The following CCDC3 variants were observed in gnomAD, a reference collection of about 807,000 sequenced individuals.
CCDC3 encodes the protein coiled-coil domain containing 3.
In CCDC3, 24 loss-of-function variants were observed where a neutral mutation model predicts 21.4. The observed-to-expected ratio is 1.12, with a 90% CI of 0.81 to 1.58. CCDC3 has a LOEUF of 1.58. Among genes scored for constraint, CCDC3 ranks in the 40% most tolerant of loss-of-function variants. The pLI, the probability that CCDC3 is intolerant of heterozygous loss-of-function variation, is 0.00. For missense variants in CCDC3, 425 were observed against 360.9 expected (o/e 1.18, Z -1.44); for synonymous variants, 186 against 166.0 (o/e 1.12, Z -0.93).
intron 5 of CCDC3, among the ~76,000 whole-genome samples, chr10:13,010,302 T>TA (rs1252564550): frequency 3.3e-5 from 5 of 151,042 alleles, no homozygotes; most frequent in South Asian, 2.1e-4. Flanking sequence ...CAACCCAATA[T>TA]AAAAAATGGG....
intron 5 of CCDC3, among the ~76,000 whole-genome samples, chr10:13,032,002 T>A (rs751702920): frequency 6.6e-6 from 1 of 152,178 alleles, no homozygotes; most frequent in African/African-American, 2.4e-5. Context: ...GAGGCCAGCA[T>A]CATCCTGATA....
At chr10:12,995,766 G>T (rs1265945691) in intron 2 of CCDC3, among the ~76,000 whole-genome samples, 1 of 152,138 alleles carries the variant, frequency 6.6e-6, no homozygotes, top group Non-Finnish European at 1.5e-5. Flanking sequence ...AAGAGGCCAG[G>T]GTGATTCAAG....
chr10:12,978,005 C>G (rs1017856265), intron 2 of CCDC3, among the ~76,000 whole-genome samples: 1 of 151,678 alleles, frequency 6.6e-6, no homozygotes, highest in Non-Finnish European at 1.5e-5. Flanking sequence ...GAAAGAAAAG[C>G]CATTTTCCAC....
At chr10:13,097,191 A>G (rs191799342) in intron 3 of CCDC3, among the ~76,000 whole-genome samples, 98 of 152,256 alleles carry the variant, frequency 6.4e-4, no homozygotes, top group African/African-American at 2.3e-3. Context: ...AAATCAGCTA[A>G]GAGCATGCTA....
chr10:13,029,137 G>A (rs1052219260), intron 5 of CCDC3, among the ~76,000 whole-genome samples: 2 of 152,106 alleles, frequency 1.3e-5, no homozygotes, highest in Non-Finnish European at 2.9e-5. Flanking sequence ...TGATTCCACT[G>A]CCCACTCTAC....
At chr10:12,904,951 T>TA (rs1473200875) in intron 2 of CCDC3, among the ~76,000 whole-genome samples, 2 of 152,096 alleles carry the variant, frequency 1.3e-5, no homozygotes, top group East Asian at 1.9e-4. Flanking sequence ...TATGTTTTTT[T>TA]AAAAAAATAT....
At chr10:13,013,619 G>A (rs564022) in intron 5 of CCDC3, among the ~76,000 whole-genome samples, 121,034 of 152,080 alleles carry the variant, frequency 0.8, 49,140 homozygotes, top group Non-Finnish European at 0.87. Context: ...CCAAGTAAAT[G>A]TCATGGTAAT....
chr10:12,959,485 A>T (rs981026906), intron 2 of CCDC3, among the ~76,000 whole-genome samples: 6 of 152,134 alleles, frequency 3.9e-5, no homozygotes, highest in African/African-American at 1.4e-4. Flanking sequence ...TAAAAAGTTT[A>T]GAAATATACT....
At chr10:13,052,101 A>G (rs527400876) in intron 4 of CCDC3, among the ~76,000 whole-genome samples, 4 of 152,228 alleles carry the variant, frequency 2.6e-5, no homozygotes, top group African/African-American at 9.6e-5. Context: ...TTGGCTGGGC[A>G]TGGCGGCACA....
intron 2 of CCDC3, among the ~76,000 whole-genome samples, chr10:12,964,286 C>A (rs150384090): frequency 6.6e-6 from 1 of 151,864 alleles, no homozygotes. Context: ...GCAGGAGAAT[C>A]GCTTGAACCC....
At chr10:12,915,357 T>A in intron 2 of CCDC3, among the ~76,000 whole-genome samples, 1 of 152,222 alleles carries the variant, frequency 6.6e-6, no homozygotes, top group East Asian at 1.9e-4. Context: ...ATTAAATGTC[T>A]TGTTTGGGTC....
intron 2 of CCDC3, among the ~76,000 whole-genome samples, chr10:12,914,014 C>G (rs200104765): frequency 6.6e-6 from 1 of 152,134 alleles, no homozygotes; most frequent in African/African-American, 2.4e-5. Flanking sequence ...TTTGCATCTA[C>G]GTTCATCAGA....
At chr10:12,995,249 T>G (rs1835743642) in intron 2 of CCDC3, among the ~76,000 whole-genome samples, 1 of 152,208 alleles carries the variant, frequency 6.6e-6, no homozygotes, top group Non-Finnish European at 1.5e-5. Flanking sequence ...TTTCTTGTTT[T>G]GCTTTGTTTT....
chr10:13,058,372 T>C (rs1836710124), intron 4 of CCDC3: 1 of 1,013,160 alleles, frequency 9.9e-7, no homozygotes, highest in Admixed American at 1.7e-5. Flanking sequence ...TCAGCAGCAG[T>C]CCAGGACAAT....
At chr10:13,040,895 T>G (rs768498324) in intron 5 of CCDC3, among the ~76,000 whole-genome samples, 1 of 152,186 alleles carries the variant, frequency 6.6e-6, no homozygotes, top group Non-Finnish European at 1.5e-5. Context: ...ACTAAGTGGA[T>G]GCAAATTATT....
chr10:13,040,908 T>C (rs1208106169), intron 5 of CCDC3, among the ~76,000 whole-genome samples: 2 of 152,214 alleles, frequency 1.3e-5, no homozygotes, highest in Non-Finnish European at 2.9e-5. Context: ...AAATTATTTA[T>C]TGTGTATCTC....
intron 2 of CCDC3, 85 bp from the exon 3 acceptor site, chr10:12,898,764 G>C (rs920093453): frequency 1.5e-5 from 23 of 1,501,242 alleles, no homozygotes; most frequent in Middle Eastern, 1.9e-4. Context: ...GCTTCCCCGA[G>C]TGCTGACAGC....
At chr10:13,022,982 T>C (rs1408545595) in intron 5 of CCDC3, among the ~76,000 whole-genome samples, 2 of 151,738 alleles carry the variant, frequency 1.3e-5, no homozygotes, top group African/African-American at 4.8e-5. Flanking sequence ...ACAAGGAAGA[T>C]GACATAAAAA....
At chr10:13,011,377 C>T (rs1392427120) in intron 5 of CCDC3, among the ~76,000 whole-genome samples, 1 of 152,080 alleles carries the variant, frequency 6.6e-6, no homozygotes, top group African/African-American at 2.4e-5. Context: ...ATCAGTAGCA[C>T]TCCTATACAC....
Sources: allele counts gnomAD v4.1 joint callset (sites outside exome capture counted in the v4.1 genomes callset), GRCh38; gene constraint gnomAD v4.1.1; transcripts MANE v1.5; gene names NCBI Gene and HGNC (gene_info 2026-07-23, HGNC 2026-07-21).